The following ALOX5AP variants were observed in gnomAD, a reference collection of about 807,000 sequenced individuals.
The protein encoded by ALOX5AP is arachidonate 5-lipoxygenase-activating protein.
Under a neutral mutation model 18.5 loss-of-function variants are expected in ALOX5AP, and 9 were observed. That is an observed-to-expected ratio of 0.49 (90% confidence interval 0.29 to 0.85). ALOX5AP has a LOEUF of 0.85. Ranked by LOEUF, ALOX5AP falls within the 40% of genes least tolerant of loss-of-function variation. The pLI is 0.08. For missense variants in ALOX5AP, 172 were observed against 202.5 expected, an observed-to-expected ratio of 0.85 and a Z score of 0.91; for synonymous variants, 81 against 78.6, an observed-to-expected ratio of 1.03 and a Z score of -0.16.
chr13:30,744,993 T>C (rs1951798298), intron 2 of ALOX5AP, among the ~76,000 whole-genome samples: 1 of 152,158 alleles, frequency 6.6e-6, no homozygotes, highest in East Asian at 1.9e-4. Context: ...GGAGTCATGG[T>C]CACCCAAGAA....
upstream of ALOX5AP, among the ~76,000 whole-genome samples, chr13:30,731,422 G>A (rs1951679881): frequency 6.7e-6 from 1 of 149,988 alleles, no homozygotes; most frequent in African/African-American, 2.5e-5. Flanking sequence ...TGCCCAGGCT[G>A]TAATGCAGTG....
chr13:30,747,547 G>C (rs1951819145), intron 2 of ALOX5AP, among the ~76,000 whole-genome samples: 1 of 152,200 alleles, frequency 6.6e-6, no homozygotes, highest in Admixed American at 6.5e-5. Flanking sequence ...CTTGGTCAAA[G>C]TTTGGTTTTT....
At chr13:30,741,366 A>T (rs1240352751) in intron 1 of ALOX5AP, among the ~76,000 whole-genome samples, 1 of 146,724 alleles carries the variant, frequency 6.8e-6, no homozygotes, top group Admixed American at 6.9e-5. Flanking sequence ...TAACCTCTAG[A>T]TAATCTCTAG....
chr13:30,736,763 T>C (rs555754153), intron 1 of ALOX5AP, among the ~76,000 whole-genome samples: 57 of 152,328 alleles, frequency 3.7e-4, no homozygotes, highest in Non-Finnish European at 7.2e-4. Flanking sequence ...CTTTGTGGCT[T>C]TCTGACCCAA....
intron 1 of ALOX5AP, among the ~76,000 whole-genome samples, chr13:30,721,658 T>G (rs796294691): frequency 6.6e-5 from 10 of 152,288 alleles, no homozygotes; most frequent in African/African-American, 2.4e-4. Flanking sequence ...GCAGCCAGAG[T>G]GCTCTACAAT....
chr13:30,751,482 C>T (rs1951851041), intron 2 of ALOX5AP, among the ~76,000 whole-genome samples: 1 of 152,242 alleles, frequency 6.6e-6, no homozygotes, highest in African/African-American at 2.4e-5. Context: ...AGAGTGAGAA[C>T]TCTCCAGGGA....
chr13:30,730,025 G>A (rs1951669150), intron 1 of ALOX5AP, among the ~76,000 whole-genome samples: 2 of 152,210 alleles, frequency 1.3e-5, no homozygotes, highest in South Asian at 4.1e-4. Flanking sequence ...TACTACACTG[G>A]CTTCCTGCTA....
At chr13:30,763,011 A>AT in intron 4 of ALOX5AP, among the ~76,000 whole-genome samples, 1 of 152,292 alleles carries the variant, frequency 6.6e-6, no homozygotes, top group Non-Finnish European at 1.5e-5. Context: ...GATAGAGTAT[A>AT]TTAAAACATG....
At chr13:30,723,070 T>C (rs1298029787) in intron 1 of ALOX5AP, among the ~76,000 whole-genome samples, 1 of 152,250 alleles carries the variant, frequency 6.6e-6, no homozygotes, top group Non-Finnish European at 1.5e-5. Flanking sequence ...CAGTTTCTAA[T>C]GCTATGGTTC....
intron 1 of ALOX5AP, among the ~76,000 whole-genome samples, chr13:30,715,442 G>C (rs1951542739): frequency 6.6e-6 from 1 of 152,156 alleles, no homozygotes; most frequent in South Asian, 2.1e-4. Flanking sequence ...GTGCCTTCTG[G>C]GGCCCTGGGA....
At chr13:30,716,426 T>C (rs1202978958) in intron 1 of ALOX5AP, among the ~76,000 whole-genome samples, 3 of 152,220 alleles carry the variant, frequency 2.0e-5, no homozygotes, top group Non-Finnish European at 4.4e-5. Context: ...TGTATCAGCT[T>C]ATCAGAAATG....
In ALOX5AP at chr13:30,745,858, A is replaced by G. The variant is rs146960282; in HGVS notation, c.170+1699A>G. ...CCAAAGAAAGCATTCCTACTATGCTATATCAGTTTGGAAAGAAAAACTTCT... is the reference window on the plus strand; with the variant it reads ...CCAAAGAAAGCATTCCTACTATGCTGTATCAGTTTGGAAAGAAAAACTTCT... On this transcript the variant is annotated intron_variant, in intron 2 of 4. Coordinates refer to ENST00000380490, the MANE Select transcript of ALOX5AP (RefSeq NM_001629.4). 3.4e-3 allele frequency among the ~76,000 whole-genome samples: 518 copies of G among 152,362 alleles called. 1 individual carries two copies. Among genetic ancestry groups the G allele is most frequent in the African/African-American group, 0.012 (498 of 41,586 alleles).
intron 1 of ALOX5AP, among the ~76,000 whole-genome samples, chr13:30,716,887 C>T (rs1457245006): frequency 6.6e-6 from 1 of 152,256 alleles, no homozygotes; most frequent in Non-Finnish European, 1.5e-5. Flanking sequence ...GAGTCCAGGA[C>T]AGTGCCTGAC....
intron 1 of ALOX5AP, among the ~76,000 whole-genome samples, chr13:30,727,117 G>A (rs529008833): frequency 7.5e-4 from 113 of 151,286 alleles, no homozygotes; most frequent in Non-Finnish European, 1.1e-3. Context: ...GCAGTGGTGC[G>A]ATCTTGGCTC....
At chr13:30,735,062 T>C (rs1347977767), upstream of ALOX5AP, among the ~76,000 whole-genome samples, 1 of 152,134 alleles carries the variant, frequency 6.6e-6, no homozygotes, top group East Asian at 1.9e-4. Context: ...CAGGCTGGAG[T>C]GCAGTGGCAT....
intron 3 of ALOX5AP, among the ~76,000 whole-genome samples, chr13:30,753,794 T>G (rs1392553162): frequency 1.3e-5 from 2 of 152,224 alleles, no homozygotes; most frequent in African/African-American, 4.8e-5. Context: ...GTGGCCATTT[T>G]CCACCCATAA....
chr13:30,714,477 G>A (rs1951533867), intron 1 of ALOX5AP, among the ~76,000 whole-genome samples: 1 of 151,874 alleles, frequency 6.6e-6, no homozygotes, highest in South Asian at 2.1e-4. Flanking sequence ...CAGGGCAGAT[G>A]CTCCATTTTG....
chr13:30,736,899 G>T (rs866674458), intron 1 of ALOX5AP, among the ~76,000 whole-genome samples: 2 of 152,202 alleles, frequency 1.3e-5, no homozygotes, highest in African/African-American at 2.4e-5. Flanking sequence ...CTGTAAATTG[G>T]CAAGGATTCC....
chr13:30,736,570 G>C (rs996730698), intron 1 of ALOX5AP, among the ~76,000 whole-genome samples: 10 of 152,200 alleles, frequency 6.6e-5, no homozygotes, highest in African/African-American at 2.2e-4. Flanking sequence ...ACATTGACAT[G>C]CTGTCACGTT....
Sources: gnomAD v4.1 joint callset for allele counts (sites outside exome capture counted in the v4.1 genomes callset) on GRCh38, gnomAD v4.1.1 for gene constraint, MANE v1.5 for transcripts, NCBI Gene and HGNC (gene_info 2026-07-23, HGNC 2026-07-21) for gene names.